Variants in FGF13 observed in about 807,000 individuals in gnomAD.
FGF13 encodes the protein fibroblast growth factor homologous factor 2.
In FGF13, 2 loss-of-function variants were observed where a neutral mutation model predicts 19.5. The ratio of observed to expected loss-of-function variants is 0.10; its 90% CI spans 0.04 to 0.32. The LOEUF (loss-of-function observed/expected upper bound fraction) is 0.32, where lower values mean the gene tolerates loss of function less well. Ranked by LOEUF, FGF13 falls within the 10% of genes least tolerant of loss-of-function variation. The pLI is 1.00. For synonymous variants in FGF13, 72 were observed against 76.9 expected, an observed-to-expected ratio of 0.94 and a Z score of 0.33; for missense variants, 113 against 192.7, an observed-to-expected ratio of 0.59 and a Z score of 2.45.
At chrX:138,846,716 G>C (rs2091186251) in intron 3 of FGF13, among the ~76,000 whole-genome samples, 1 of 112,129 alleles carries the variant, frequency 8.9e-6, no homozygotes, top group African/African-American at 3.2e-5. Context: ...AGCAGTGTGA[G>C]AACTGACTAA....
At chrX:139,020,488 T>C (rs1355871316) in intron 1 of FGF13, among the ~76,000 whole-genome samples, 1 of 110,911 alleles carries the variant, frequency 9.0e-6, no homozygotes, top group Admixed American at 9.6e-5. Context: ...GTCTTCCTAC[T>C]ACATTACTGC....
At chrX:139,050,855 TA>T (rs991249400) in intron 1 of FGF13, among the ~76,000 whole-genome samples, 1 of 112,113 alleles carries the variant, frequency 8.9e-6, no homozygotes, top group Admixed American at 9.5e-5. Flanking sequence ...TATATGTGTA[TA>T]AAAAATTGAC....
At chrX:139,164,106 T>A (rs1165860922) in intron 1 of FGF13, among the ~76,000 whole-genome samples, 82 of 107,038 alleles carry the variant, frequency 7.7e-4, no homozygotes, top group Middle Eastern at 4.8e-3. Flanking sequence ...TTTTTTTTTT[T>A]TTATTATTAT....
chrX:139,190,572 C>T (rs1281377730), intron 1 of FGF13, among the ~76,000 whole-genome samples: 1 of 111,305 alleles, frequency 9.0e-6, no homozygotes, highest in Non-Finnish European at 1.9e-5. Context: ...AATTCTTCTA[C>T]TCTGTAGTGG....
chrX:139,178,983 G>A (rs1292462995), intron 1 of FGF13, among the ~76,000 whole-genome samples: 7 of 112,030 alleles, frequency 6.2e-5, no homozygotes, highest in Non-Finnish European at 1.1e-4. Flanking sequence ...GAAAGAGAAA[G>A]AAAATCTACA....
intron 2 of FGF13, among the ~76,000 whole-genome samples, chrX:138,859,113 G>A (rs1330290150): frequency 8.9e-6 from 1 of 111,973 alleles, no homozygotes; most frequent in African/African-American, 3.2e-5. Context: ...TTTTTCCGTA[G>A]AGAGTTCCCT....
At chrX:138,852,292 C>T (rs1371670413) in intron 3 of FGF13, among the ~76,000 whole-genome samples, 1 of 111,627 alleles carries the variant, frequency 9.0e-6, no homozygotes, top group Non-Finnish European at 1.9e-5. Context: ...AAGCTGGAGG[C>T]ATCACACTAC....
chrX:138,649,821 T>C (rs1258336386), intron 3 of FGF13, among the ~76,000 whole-genome samples: 1 of 112,592 alleles, frequency 8.9e-6, no homozygotes, highest in African/African-American at 3.2e-5. Flanking sequence ...ATGATTTCCC[T>C]AGACAGTCAG....
At chrX:138,841,802 G>A (rs772410745) in intron 3 of FGF13, among the ~76,000 whole-genome samples, 2 of 111,602 alleles carry the variant, frequency 1.8e-5, no homozygotes, top group Non-Finnish European at 3.8e-5. Context: ...AATATTATGT[G>A]AAAATTCCAA....
At chrX:138,821,051 T>C in intron 3 of FGF13, among the ~76,000 whole-genome samples, 1 of 111,384 alleles carries the variant, frequency 9.0e-6, no homozygotes, top group African/African-American at 3.3e-5. Context: ...ACCAGATATG[T>C]GATTTACCAA....
At chrX:138,646,984 C>T (rs748912042) in intron 3 of FGF13, among the ~76,000 whole-genome samples, 2 of 111,004 alleles carry the variant, frequency 1.8e-5, no homozygotes, top group Non-Finnish European at 3.8e-5. Context: ...CACCCTCACC[C>T]GTGAATGTTT....
intron 1 of FGF13, among the ~76,000 whole-genome samples, chrX:139,191,023 C>T (rs182167330): frequency 8.9e-6 from 1 of 111,987 alleles, no homozygotes; most frequent in East Asian, 2.8e-4. Flanking sequence ...CCTCCACATT[C>T]GGCATTTGAG....
At chrX:138,877,221 G>A (rs1230004466) in intron 1 of FGF13, among the ~76,000 whole-genome samples, 1 of 108,197 alleles carries the variant, frequency 9.2e-6, no homozygotes, top group Non-Finnish European at 1.9e-5. Flanking sequence ...TTCTGCACAT[G>A]TATTCTGTTT....
chrX:139,012,526 A>C (rs1400905003), intron 1 of FGF13, among the ~76,000 whole-genome samples: 3 of 111,836 alleles, frequency 2.7e-5, no homozygotes, highest in Non-Finnish European at 3.8e-5. Flanking sequence ...CAGAAAAGAG[A>C]ACCCAGAAAT....
chrX:138,850,434 T>C (rs192952527), intron 3 of FGF13, among the ~76,000 whole-genome samples: 7 of 111,849 alleles, frequency 6.3e-5, no homozygotes, highest in Admixed American at 4.8e-4. Flanking sequence ...GTAAGAGAAA[T>C]AGAATTAAAT....
At chrX:138,752,911 G>C (rs1199313707) in intron 3 of FGF13, among the ~76,000 whole-genome samples, 3 of 111,970 alleles carry the variant, frequency 2.7e-5, no homozygotes, top group Non-Finnish European at 5.6e-5. Flanking sequence ...GTTTGAATCT[G>C]CACCTTCCAT....
At position 138,793,881 on chromosome X, in the gene FGF13, C is replaced by T. The variant is rs72616251; in HGVS notation, c.217+63631G>A. On this transcript the variant is annotated intron_variant, in intron 3 of 6. Transcript: ENST00000436198. ...GCTGTCAGGATTAAATTCAATATTG[C>T]AATTTTACATGCAATATCATTGACA... Among the ~76,000 whole-genome samples, 4 of 112,001 alleles carry T rather than the reference C, an allele frequency of 3.6e-5. No homozygotes were observed. The East Asian group carries it at 1.1e-3, about 32-fold the overall frequency.
rs111805133 is a variant in FGF13, at chrX:138,868,379, C to T, written c.-112-3729G>A. 1.1e-3 allele frequency among the ~76,000 whole-genome samples: 118 copies of T among 107,862 alleles called. 1 individual carries two copies. Among genetic ancestry groups the T allele is most frequent in the African/African-American group, 3.7e-3 (106 of 29,013 alleles). 93.7% of individuals were successfully genotyped at this position (107,862 alleles called of 115,157 possible). A position where few individuals can be genotyped will look rare whatever the true frequency, so the allele number is the denominator to read the frequency against. Reference sequence around the variant, plus strand: ...GCGGGGCCCAGTGTGTGTGTGTGTGCGTGTGTGTGTGTGTTTGCATGCACG... The same window carrying T: ...GCGGGGCCCAGTGTGTGTGTGTGTGTGTGTGTGTGTGTGTTTGCATGCACG... On this transcript the variant is annotated intron_variant, in intron 1 of 2. Transcript: ENST00000421460.
At chrX:138,756,675 T>C (rs1017604386) in intron 3 of FGF13, among the ~76,000 whole-genome samples, 27 of 111,964 alleles carry the variant, frequency 2.4e-4, no homozygotes, top group African/African-American at 8.1e-4. Flanking sequence ...ACCCCAGCCC[T>C]TTGTCAGACC....
Sources: gnomAD v4.1 joint callset for allele counts (sites outside exome capture counted in the v4.1 genomes callset) on GRCh38, gnomAD v4.1.1 for gene constraint, MANE v1.5 for transcripts, NCBI Gene and HGNC (gene_info 2026-07-23, HGNC 2026-07-21) for gene names.